The following EEF1G variants were observed in gnomAD, a reference collection of about 807,000 sequenced individuals.
The protein encoded by EEF1G is eukaryotic translation elongation factor 1 gamma, also known as elongation factor 1-gamma.
A neutral mutation model predicts 58.3 loss-of-function variants in EEF1G; 14 were observed. The ratio of observed to expected loss-of-function variants is 0.24; its 90% CI spans 0.16 to 0.38. The LOEUF is 0.38. Among genes scored for constraint, EEF1G ranks in the 10% least tolerant of loss-of-function variants. EEF1G has a pLI of 1.00. For synonymous variants in EEF1G, 180 were observed against 206.8 expected, an observed-to-expected ratio of 0.87 and a Z score of 1.11; for missense variants, 322 against 550.1, an observed-to-expected ratio of 0.59 and a Z score of 4.15.
At chr11:62,565,913 C>G (rs1357019843) in intron 7 of EEF1G, among the ~76,000 whole-genome samples, 1 of 152,128 alleles carries the variant, frequency 6.6e-6, no homozygotes, top group Non-Finnish European at 1.5e-5. Flanking sequence ...CACCCGGTAT[C>G]CAAGCCATTA....
intron 2 of EEF1G, among the ~76,000 whole-genome samples, chr11:62,572,306 A>C (rs1039600439): frequency 6.6e-6 from 1 of 152,222 alleles, no homozygotes; most frequent in African/African-American, 2.4e-5. Context: ...AATTCTGCTC[A>C]TAACAGATAT....
chr11:62,564,367 G>A (rs1234874372), intron 7 of EEF1G, among the ~76,000 whole-genome samples: 4 of 151,378 alleles, frequency 2.6e-5, no homozygotes, highest in African/African-American at 9.7e-5. Context: ...GGGAGGCTGA[G>A]GCAGGAGAAT....
chr11:62,560,344 T>A lies in EEF1G; in HGVS notation c.968A>T (p.Tyr323Phe), dbSNP rs555740719. 10 of 1,610,054 alleles carry A rather than the reference T, an allele frequency of 6.2e-6. No homozygotes were observed. In the South Asian group the frequency reaches 1.1e-4, roughly 18 times the overall value. ...HFDKDGWSLW[Y>F]SEYRFPEELT... is the part of the protein sequence containing the mutation. ...TTCTTCAGGGAAGCGATACTCTGAGTACCACAGGGACCAGCCGTCCTTATC... is the reference window on the plus strand; with the variant it reads ...TTCTTCAGGGAAGCGATACTCTGAGAACCACAGGGACCAGCCGTCCTTATC... The change falls in exon 8 of 10, where the codon TAC becomes TTC. Residue 323 changes from tyrosine (Y) to phenylalanine (F), a missense_variant. Transcript: ENST00000329251.
rs1295315077 is a variant in EEF1G, at chr11:62,571,636, C to T, written c.282G>A (p.Gln94=). The T allele has an allele frequency of 1.3e-6, 2 of 1,586,504 alleles. No individual in the cohort carries two copies. Among genetic ancestry groups the T allele is most frequent in the South Asian group, 2.3e-5 (2 of 86,718 alleles). Residue 94 remains glutamine (Q), a synonymous_variant, in exon 4 of 10, where the codon CAG becomes CAA. Coordinates refer to ENST00000329251, the MANE Select transcript of EEF1G (RefSeq NM_001404.5). ...CAGCAAAGCTCACCCACTGCACCACCTGGGCTGCTGCCTCTGGAGTACTTC... is the reference window on the plus strand; with the variant it reads ...CAGCAAAGCTCACCCACTGCACCACTTGGGCTGCTGCCTCTGGAGTACTTC... ...LRGSTPEAAA[Q]VVQWVSFADS...
rs1248178233 is a variant in EEF1G, at chr11:62,560,161, T to C, written c.1063A>G (p.Asn355Asp). Residue 355 changes from asparagine to aspartate, a missense_variant, in exon 9 of 10, where the codon AAT becomes GAT. Coordinates refer to ENST00000329251, the MANE Select transcript of EEF1G (RefSeq NM_001404.5). Reference protein sequence around the residue: ...MFQRLDKLRKNAFASVILFGT... With the variant: ...MFQRLDKLRKDAFASVILFGT... The stretch of plus-strand genomic sequence containing the variant: ...AAAAGGATGACACTGGCGAAGGCAT[T>C]CTTCCTCAGCTTGTCCAGTCGCTGG... 1 of 1,614,068 alleles carries C rather than the reference T, an allele frequency of 6.2e-7. No homozygotes were observed. The highest frequency in any genetic ancestry group is 8.5e-7 in the Non-Finnish European group (1 of 1,179,906).
chr11:62,567,733 C>T (rs893403522), intron 5 of EEF1G, among the ~76,000 whole-genome samples: 9 of 148,390 alleles, frequency 6.1e-5, no homozygotes, highest in Middle Eastern at 3.5e-3. Flanking sequence ...GAGACAGAGT[C>T]TCACTCTATC....
At chr11:62,562,637 C>T (rs1047940706) in intron 7 of EEF1G, among the ~76,000 whole-genome samples, 2 of 152,002 alleles carry the variant, frequency 1.3e-5, no homozygotes, top group South Asian at 2.1e-4. Flanking sequence ...CGTGCCACTA[C>T]GCCCAGCTAA....
chr11:62,572,134 T>C (rs1218990629), intron 2 of EEF1G, among the ~76,000 whole-genome samples: 2 of 152,066 alleles, frequency 1.3e-5, no homozygotes, highest in Non-Finnish European at 2.9e-5. Context: ...AGGATATTTG[T>C]ATGAAATCTC....
intron 7 of EEF1G, among the ~76,000 whole-genome samples, chr11:62,563,085 G>A (rs2134290929): frequency 6.6e-6 from 1 of 151,886 alleles, no homozygotes; most frequent in African/African-American, 2.4e-5. Flanking sequence ...ACTCCAGCCT[G>A]GGAGAAGAGC....
At chr11:62,566,144 C>T (rs897342160) in intron 7 of EEF1G, among the ~76,000 whole-genome samples, 2 of 152,162 alleles carry the variant, frequency 1.3e-5, no homozygotes, top group Admixed American at 6.5e-5. Flanking sequence ...ACTGGGCAAG[C>T]ACTCAGCGTC....
At chr11:62,570,295 C>CA (rs1407362549) in intron 5 of EEF1G, among the ~76,000 whole-genome samples, 3 of 152,112 alleles carry the variant, frequency 2.0e-5, no homozygotes, top group African/African-American at 7.2e-5. Flanking sequence ...CTCCTGACCT[C>CA]AAGTGATCCA....
intron 2 of EEF1G, 57 bp downstream of exon 2, chr11:62,572,527 G>T: frequency 6.2e-7 from 1 of 1,600,172 alleles, no homozygotes; most frequent in South Asian, 1.1e-5. Context: ...CAGAGTGACA[G>T]AATCGCAGGG....
chr11:62,566,137 G>A (rs1489269430), intron 7 of EEF1G, among the ~76,000 whole-genome samples: 3 of 152,072 alleles, frequency 2.0e-5, no homozygotes, highest in South Asian at 2.1e-4. Flanking sequence ...CCAGAGAACT[G>A]GGCAAGCACT....
chr11:62,567,182 T>G (rs577617222), intron 6 of EEF1G, 172 bp from the exon 7 acceptor site: 1 of 919,492 alleles, frequency 1.1e-6, no homozygotes, highest in African/African-American at 1.7e-5. Flanking sequence ...AACAACACAC[T>G]CAGCAACAAA....
chr11:62,567,342 G>A, intron 6 of EEF1G, 57 bp downstream of exon 6: 2 of 1,545,702 alleles, frequency 1.3e-6, no homozygotes, highest in Admixed American at 2.1e-5. Context: ...AGGGGTTGAT[G>A]CAGAGCAAAC....
chr11:62,566,668 T>C, intron 7 of EEF1G, 138 bp downstream of exon 7: 1 of 845,896 alleles, frequency 1.2e-6, no homozygotes, highest in Non-Finnish European at 1.8e-6. Flanking sequence ...GAAAGCTGCT[T>C]TATTTGCAAC....
intron 6 of EEF1G, among the ~76,000 whole-genome samples, 167 bp downstream of exon 6, chr11:62,567,228 TAGTC>T (rs1384896129): frequency 3.3e-5 from 5 of 152,100 alleles, no homozygotes; most frequent in Non-Finnish European, 7.3e-5. Context: ...TAATACAAAT[TAGTC>T]AGGGTATGAG....
chr11:62,560,012 G>C lies in EEF1G; in HGVS notation c.1155+57C>G, dbSNP rs1941477098. The C allele has an allele frequency of 1.1e-5, 18 of 1,611,290 alleles. No individual in the cohort carries two copies. In the South Asian group the frequency reaches 1.9e-4, roughly 17 times the overall value. ...TCCATCAACTCAGAAATAAAACACA[G>C]TGCTTCTTATATCCCTGCCCCACCC... On this transcript the variant is annotated intron_variant, in intron 9 of 9. Coordinates refer to ENST00000329251, the MANE Select transcript of EEF1G (RefSeq NM_001404.5).
chr11:62,566,360 C>A (rs1941555403), intron 7 of EEF1G, among the ~76,000 whole-genome samples: 1 of 152,184 alleles, frequency 6.6e-6, no homozygotes, highest in Non-Finnish European at 1.5e-5. Flanking sequence ...CAGTCTGATT[C>A]AGCAAAACAG....
Sources: allele counts gnomAD v4.1 joint callset (sites outside exome capture counted in the v4.1 genomes callset), GRCh38; gene constraint gnomAD v4.1.1; transcripts MANE v1.5; gene names NCBI Gene and HGNC (gene_info 2026-07-23, HGNC 2026-07-21).